LRRTM4: variants seen among roughly 807,000 people sequenced by gnomAD.
The protein encoded by LRRTM4 is leucine-rich repeat transmembrane neuronal protein 4.
In LRRTM4, 25 loss-of-function variants were observed where a neutral mutation model predicts 47.6. The observed-to-expected ratio is 0.53, with a 90% CI of 0.38 to 0.73. LRRTM4 has a LOEUF of 0.73. Among genes scored for constraint, LRRTM4 ranks in the 30% least tolerant of loss-of-function variants. The pLI is 0.00. For synonymous variants in LRRTM4, 311 were observed against 269.5 expected (o/e 1.15, Z -1.51); for missense variants, 638 against 713.4 (o/e 0.89, Z 1.20).
At chr2:77,317,467 C>A (rs959583773) in intron 3 of LRRTM4, among the ~76,000 whole-genome samples, 1 of 152,162 alleles carries the variant, frequency 6.6e-6, no homozygotes, top group African/African-American at 2.4e-5. Flanking sequence ...TATGAACTTT[C>A]ATTAACCTTT....
At chr2:77,223,122 A>C (rs899488731) in intron 3 of LRRTM4, among the ~76,000 whole-genome samples, 1 of 152,208 alleles carries the variant, frequency 6.6e-6, no homozygotes, top group Non-Finnish European at 1.5e-5. Context: ...CAATTATACC[A>C]ATAGATGCAG....
intron 3 of LRRTM4, among the ~76,000 whole-genome samples, chr2:76,917,176 T>C (rs912543442): frequency 7.2e-5 from 11 of 152,176 alleles, no homozygotes; most frequent in Non-Finnish European, 8.8e-5. Flanking sequence ...ATGAAAGTGG[T>C]CATAAATGAT....
At chr2:77,265,025 G>A (rs1187428885) in intron 3 of LRRTM4, among the ~76,000 whole-genome samples, 1 of 152,070 alleles carries the variant, frequency 6.6e-6, no homozygotes, top group Non-Finnish European at 1.5e-5. Flanking sequence ...CAAAGTCACA[G>A]TGAATGGCTT....
intron 3 of LRRTM4, among the ~76,000 whole-genome samples, chr2:77,447,574 T>A (rs1228051665): frequency 6.6e-6 from 1 of 152,160 alleles, no homozygotes; most frequent in Non-Finnish European, 1.5e-5. Context: ...CTTCAACCAT[T>A]CTAACATCTG....
intron 3 of LRRTM4, among the ~76,000 whole-genome samples, chr2:77,040,640 T>C (rs896189335): frequency 2.6e-5 from 4 of 151,296 alleles, no homozygotes; most frequent in African/African-American, 9.7e-5. Flanking sequence ...CATTTTCCAA[T>C]ATACAAGGCA....
At chr2:77,481,498 C>T (rs1364359055) in intron 3 of LRRTM4, among the ~76,000 whole-genome samples, 2 of 152,034 alleles carry the variant, frequency 1.3e-5, no homozygotes, top group East Asian at 1.9e-4. Flanking sequence ...AATATAGAGG[C>T]TTCATAAAAT....
At chr2:77,098,677 C>T (rs1344171772) in intron 3 of LRRTM4, among the ~76,000 whole-genome samples, 1 of 150,202 alleles carries the variant, frequency 6.7e-6, no homozygotes, top group Non-Finnish European at 1.5e-5. Context: ...TTCTGTGACT[C>T]AAATAATTCT....
At chr2:76,977,717 C>T (rs1676466002) in intron 3 of LRRTM4, among the ~76,000 whole-genome samples, 2 of 151,888 alleles carry the variant, frequency 1.3e-5, no homozygotes, top group South Asian at 4.1e-4. Flanking sequence ...ACATTTCATT[C>T]TCTTTGTTAT....
chr2:77,366,178 A>G (rs1201982286), intron 3 of LRRTM4, among the ~76,000 whole-genome samples: 1 of 151,644 alleles, frequency 6.6e-6, no homozygotes, highest in Non-Finnish European at 1.5e-5. Flanking sequence ...TCAAACATTC[A>G]CCCAATCCAA....
At chr2:76,861,455 T>C (rs116651363) in intron 3 of LRRTM4, among the ~76,000 whole-genome samples, 1 of 152,136 alleles carries the variant, frequency 6.6e-6, no homozygotes, top group Non-Finnish European at 1.5e-5. Flanking sequence ...ATCAAAATCA[T>C]CTGGTTAATT....
intron 3 of LRRTM4, among the ~76,000 whole-genome samples, chr2:77,280,535 C>T (rs972627721): frequency 6.6e-6 from 1 of 151,866 alleles, no homozygotes; most frequent in Non-Finnish European, 1.5e-5. Flanking sequence ...AATTAAAATG[C>T]CTAAAGGTGC....
intron 3 of LRRTM4, among the ~76,000 whole-genome samples, chr2:77,434,492 A>G (rs1179973238): frequency 6.6e-6 from 1 of 152,152 alleles, no homozygotes; most frequent in African/African-American, 2.4e-5. Flanking sequence ...ACAAATGGCT[A>G]ATTTTCTTTT....
intron 3 of LRRTM4, among the ~76,000 whole-genome samples, chr2:77,449,376 T>TA (rs1415050913): frequency 2.6e-5 from 4 of 152,184 alleles, no homozygotes; most frequent in Non-Finnish European, 5.9e-5. Flanking sequence ...AATAAAATGA[T>TA]ACGAGAATTG....
At chr2:77,377,350 A>C (rs528542715) in intron 3 of LRRTM4, among the ~76,000 whole-genome samples, 1 of 152,124 alleles carries the variant, frequency 6.6e-6, no homozygotes, top group African/African-American at 2.4e-5. Context: ...TGATATGTGT[A>C]TATTGATCTT....
chr2:76,775,362 G>C lies in LRRTM4; in HGVS notation c.1552-26446C>G, dbSNP rs1468185999. On this transcript the variant is annotated intron_variant, in intron 3 of 3. Coordinates refer to ENST00000409884, the MANE Select transcript of LRRTM4 (RefSeq NM_001134745.3). ...AAGGTCCTTATGATCCCCTGATCTAGAGATTGAATCAGAAATGCATTTGAG... is the reference window on the plus strand; with the variant it reads ...AAGGTCCTTATGATCCCCTGATCTACAGATTGAATCAGAAATGCATTTGAG... Among the ~76,000 whole-genome samples the C allele has an allele frequency of 2.6e-5, 4 of 151,864 alleles. 1 individual carries two copies. The highest frequency in any genetic ancestry group is 2.0e-4 in the Admixed American group (3 of 15,258).
At chr2:77,510,403 C>G (rs983660633) in intron 3 of LRRTM4, among the ~76,000 whole-genome samples, 7 of 152,042 alleles carry the variant, frequency 4.6e-5, no homozygotes, top group Admixed American at 3.9e-4. Flanking sequence ...TTCTGTTTGT[C>G]TCAATAAAAT....
rs182495215 is a variant in LRRTM4, at chr2:76,753,215, C to T, written c.1552-4299G>A. Among the ~76,000 whole-genome samples the T allele has an allele frequency of 5.9e-5, 9 of 152,226 alleles. No individual in the cohort carries two copies. In the East Asian group the frequency reaches 1.4e-3, roughly 23 times the overall value. On this transcript the variant is annotated intron_variant, in intron 3 of 3. Transcript: ENST00000409884. Reference sequence around the variant, plus strand: ...TCCTCTTGAGTTTCAAGTAACTCCTCTGAAAATAGGGATAATAATGACAAC... The same window carrying T: ...TCCTCTTGAGTTTCAAGTAACTCCTTTGAAAATAGGGATAATAATGACAAC...
At chr2:77,386,163 A>G (rs1044196874) in intron 3 of LRRTM4, among the ~76,000 whole-genome samples, 1 of 151,996 alleles carries the variant, frequency 6.6e-6, no homozygotes, top group Admixed American at 6.6e-5. Context: ...AAATAATCGC[A>G]TTTGAAGACT....
chr2:76,792,246 A>G (rs1675013446), intron 3 of LRRTM4, among the ~76,000 whole-genome samples: 1 of 152,170 alleles, frequency 6.6e-6, no homozygotes, highest in African/African-American at 2.4e-5. Context: ...GTCGGCTTAA[A>G]AACAACAAAA....
Sources: gnomAD v4.1 joint callset for allele counts (sites outside exome capture counted in the v4.1 genomes callset) on GRCh38, gnomAD v4.1.1 for gene constraint, MANE v1.5 for transcripts, NCBI Gene and HGNC (gene_info 2026-07-23, HGNC 2026-07-21) for gene names.